Variants in ZNF528 observed in about 807,000 individuals in gnomAD.
The protein encoded by ZNF528 is zinc finger protein 528.
ZNF528 carries 9 observed loss-of-function variants against 13.3 expected under a neutral mutation model. The observed-to-expected ratio is 0.67, with a 90% CI of 0.41 to 1.18. The LOEUF (loss-of-function observed/expected upper bound fraction) is 1.18, where lower values mean the gene tolerates loss of function less well. Ranked by LOEUF, ZNF528 falls within the 50% of genes most tolerant of loss-of-function variation. The probability of loss-of-function intolerance (pLI) is 0.01; values close to 1 mark genes in which losing one functional copy is unlikely to be tolerated. For missense variants in ZNF528, 858 were observed against 745.4 expected (o/e 1.15, Z -1.76); for synonymous variants, 264 against 254.3 (o/e 1.04, Z -0.36).
chr19:52,412,810 A>T (rs536323746), intron 6 of ZNF528: 2 of 152,094 alleles, frequency 1.3e-5, no homozygotes, highest in African/African-American at 4.8e-5. Context: ...CATTTTCCCA[A>T]TTTAGCGTTT....
At chr19:52,410,078 C>T (rs1160200025) in intron 6 of ZNF528, among the ~76,000 whole-genome samples, 1 of 152,148 alleles carries the variant, frequency 6.6e-6, no homozygotes, top group Non-Finnish European at 1.5e-5. Flanking sequence ...GCTGGGATTA[C>T]AGGCATGAGC....
intron 2 of ZNF528, among the ~76,000 whole-genome samples, chr19:52,399,436 C>A (rs372121168): frequency 2.7e-4 from 41 of 152,092 alleles, no homozygotes; most frequent in African/African-American, 9.7e-4. Flanking sequence ...CATGTGAAAC[C>A]CATCTCTAGT....
At chr19:52,398,755 G>A (rs942172150) in intron 2 of ZNF528, 136 bp downstream of exon 2, 4 of 339,232 alleles carry the variant, frequency 1.2e-5, no homozygotes, top group Admixed American at 6.5e-5. Context: ...AGGCTTCTCA[G>A]ACAGAGGGGG....
In ZNF528 at chr19:52,415,221, T is replaced by C; in HGVS notation, c.369T>C (p.Phe123=). ...FQLHLSDLQL[F]QAERKISGCK... Reference sequence around the variant, plus strand: ...TACATCTGAGTGATCTACAGCTATTTCAAGCTGAAAGGAAAATTTCTGGGT... The same window carrying C: ...TACATCTGAGTGATCTACAGCTATTCCAAGCTGAAAGGAAAATTTCTGGGT... Residue 123 remains phenylalanine (F), a synonymous_variant, in exon 7 of 7, where the codon TTT becomes TTC. Coordinates refer to ENST00000360465, the MANE Select transcript of ZNF528 (RefSeq NM_032423.3). The C allele has an allele frequency of 6.2e-7, 1 of 1,614,126 alleles. No homozygotes were observed. Among genetic ancestry groups the C allele is most frequent in the Non-Finnish European group, 8.5e-7 (1 of 1,180,030 alleles).
chr19:52,403,659 C>CAAAAAAA (rs398035018), intron 4 of ZNF528, among the ~76,000 whole-genome samples: 3 of 84,958 alleles, frequency 3.5e-5, no homozygotes, highest in African/African-American at 5.0e-5. Flanking sequence ...GACTCCATCT[C>CAAAAAAA]AAAAAAAAAA....
intron 4 of ZNF528, among the ~76,000 whole-genome samples, chr19:52,405,204 C>T (rs890554546): frequency 7.7e-5 from 11 of 142,514 alleles, no homozygotes; most frequent in African/African-American, 1.8e-4. Context: ...GCAAAAAGAG[C>T]GAAACACCAT....
In ZNF528 at chr19:52,403,154, C is replaced by G. The variant is rs533333694; in HGVS notation, c.15+1126C>G. ...ATACATTTTTATTGTGGCAAATATG[C>G]TGAAATACACATTGGGAAAAATAGT... On this transcript the variant is annotated intron_variant, in intron 4 of 6. Coordinates refer to ENST00000360465, the MANE Select transcript of ZNF528 (RefSeq NM_032423.3). Among the ~76,000 whole-genome samples the G allele has an allele frequency of 2.0e-5, 3 of 152,234 alleles. No individual in the cohort carries two copies. The South Asian group carries it at 6.2e-4, about 32-fold the overall frequency.
chr19:52,397,947 C>G (rs1045630868), intron 1 of ZNF528, 43 bp downstream of exon 1: 1 of 152,234 alleles, frequency 6.6e-6, no homozygotes, highest in African/African-American at 2.4e-5. Flanking sequence ...CTAGCCAGTT[C>G]TTCTCTGCTT....
rs2059013698 is a variant in ZNF528 at position 52,417,066 on chromosome 19, T to G, written c.*327T>G. The G allele has an allele frequency of 3.5e-6, 1 of 287,288 alleles. No individual in the cohort carries two copies. The highest frequency in any genetic ancestry group is 2.1e-5 in the African/African-American group (1 of 46,634). The allele number at this position is 287,288 out of a possible 1,614,324, so 17.8% of individuals were successfully genotyped here. ...ATGCTAAGTCAAAATATGTTGAATCTCATGACCTGATGTATATCAAAGGTG... is the reference window on the plus strand; with the variant it reads ...ATGCTAAGTCAAAATATGTTGAATCGCATGACCTGATGTATATCAAAGGTG... On this transcript the variant is annotated 3_prime_UTR_variant, in exon 7 of 7. Coordinates refer to ENST00000360465, the MANE Select transcript of ZNF528 (RefSeq NM_032423.3).
In ZNF528 at chr19:52,417,438, G is replaced by T. The variant is rs978429277; in HGVS notation, c.*699G>T. On this transcript the variant is annotated 3_prime_UTR_variant, in exon 7 of 7. Coordinates refer to ENST00000360465, the MANE Select transcript of ZNF528 (RefSeq NM_032423.3). ...CCTGACATAAGTGCACAGAGCTTCA[G>T]TGTCCACCAACTGACCATGAAATAG... 6.3e-6 allele frequency: 1 copy of T among 159,714 alleles called. No individual in the cohort carries two copies. The highest frequency in any genetic ancestry group is 2.4e-5 in the African/African-American group (1 of 41,524). The allele number at this position is 159,714 out of a possible 1,614,324, so 9.9% of individuals were successfully genotyped here.
intron 1 of ZNF528, chr19:52,398,162 T>C (rs1215024298): frequency 6.6e-6 from 1 of 152,164 alleles, no homozygotes; most frequent in Non-Finnish European, 1.5e-5. Flanking sequence ...TCAAATCCTT[T>C]AGTAACCCCT....
chr19:52,400,393 C>T (rs552353081), intron 2 of ZNF528, among the ~76,000 whole-genome samples: 1 of 152,188 alleles, frequency 6.6e-6, no homozygotes, highest in East Asian at 1.9e-4. Context: ...CTTGTTTAGG[C>T]GCTCTCTCAC....
rs1284090370 is a variant in ZNF528, at chr19:52,415,623, A to C, written c.771A>C (p.Ser257=). ...TCTTCAGTAGCAATTCAAACCTTTC[A>C]CAACATCAAAGAATTCATACTGGAG... is the stretch of plus-strand genomic sequence containing the variant. The part of the protein sequence containing the change: ...GKLFSSNSNL[S]QHQRIHTGEK... Residue 257 remains serine, a synonymous_variant, in exon 7 of 7, where the codon TCA becomes TCC. Coordinates refer to ENST00000360465, the MANE Select transcript of ZNF528 (RefSeq NM_032423.3). 6 of 1,614,038 alleles carry C rather than the reference A, an allele frequency of 3.7e-6. No homozygotes were observed. The highest frequency in any genetic ancestry group is 5.1e-6 in the Non-Finnish European group (6 of 1,180,032).
At chr19:52,414,525 C>T in intron 6 of ZNF528, 1 of 556,858 alleles carries the variant, frequency 1.8e-6, no homozygotes, top group Non-Finnish European at 3.2e-6. Flanking sequence ...TGCAAGACTG[C>T]ATTCTTTGAA....
chr19:52,412,006 G>A (rs1205108485), intron 6 of ZNF528: 1 of 152,214 alleles, frequency 6.6e-6, no homozygotes, highest in Non-Finnish European at 1.5e-5. Flanking sequence ...GAGAGTCGAT[G>A]CTGGGGGCCA....
intron 6 of ZNF528, among the ~76,000 whole-genome samples, chr19:52,410,374 AT>A (rs982189000): frequency 2.0e-5 from 3 of 152,142 alleles, no homozygotes; most frequent in African/African-American, 7.2e-5. Context: ...CAGCGGCTTG[AT>A]TTACAGCAGG....
At chr19:52,404,946 A>G (rs998927683) in intron 4 of ZNF528, among the ~76,000 whole-genome samples, 13 of 151,538 alleles carry the variant, frequency 8.6e-5, no homozygotes, top group African/African-American at 2.9e-4. Context: ...GGCCGGGCAC[A>G]GTGGCTTACG....
chr19:52,406,485 G>A, intron 5 of ZNF528, 30 bp from the exon 6 acceptor site: 1 of 1,607,672 alleles, frequency 6.2e-7, no homozygotes, highest in Non-Finnish European at 8.5e-7. Flanking sequence ...AGATGCCACA[G>A]CACACATTTA....
chr19:52,403,649 G>A (rs1369782496), intron 4 of ZNF528, among the ~76,000 whole-genome samples: 1 of 106,406 alleles, frequency 9.4e-6, no homozygotes, highest in African/African-American at 3.6e-5. Flanking sequence ...AACAGAGCGA[G>A]ACTCCATCTC....
Sources: gnomAD v4.1 joint callset for allele counts (sites outside exome capture counted in the v4.1 genomes callset) on GRCh38, gnomAD v4.1.1 for gene constraint, MANE v1.5 for transcripts, NCBI Gene and HGNC (gene_info 2026-07-23, HGNC 2026-07-21) for gene names.